SMS: variants seen among roughly 807,000 people sequenced by gnomAD.
The protein encoded by SMS is spermine synthase.
SMS carries 3 observed loss-of-function variants against 33.0 expected under a neutral mutation model. That is an observed-to-expected ratio of 0.09 (90% CI 0.04 to 0.23). The LOEUF (loss-of-function observed/expected upper bound fraction) is 0.23, where lower values mean the gene tolerates loss of function less well. Among genes scored for constraint, SMS ranks in the 10% least tolerant of loss-of-function variants. SMS has a pLI of 1.00. For synonymous variants in SMS, 103 were observed against 112.2 expected (o/e 0.92, Z 0.52); for missense variants, 117 against 288.6 (o/e 0.41, Z 4.31).
At chrX:21,993,063 C>T (rs1246185063) in intron 10 of SMS, among the ~76,000 whole-genome samples, 2 of 111,924 alleles carry the variant, frequency 1.8e-5, no homozygotes, top group East Asian at 2.8e-4. Context: ...CCCACCCCAA[C>T]CTGCTGCCCA....
intron 2 of SMS, among the ~76,000 whole-genome samples, chrX:21,968,077 C>T (rs937497442): frequency 8.9e-5 from 10 of 112,133 alleles, no homozygotes; most frequent in Middle Eastern, 4.2e-3. Context: ...GGGGGCATGC[C>T]GAGGCCTTCT....
chrX:21,980,429 A>AAAAAATAT lies in SMS; in HGVS notation c.750+1464_750+1465insAAAATATA, dbSNP rs1260210326. Among the ~76,000 whole-genome samples the AAAAAATAT allele has an allele frequency of 2.5e-3, 156 of 63,036 alleles. 3 individuals are homozygous for AAAAAATAT. Among genetic ancestry groups the AAAAAATAT allele is most frequent in the South Asian group, 7.4e-3 (5 of 676 alleles). The allele number at this position is 63,036 out of a possible 115,157, so 54.7% of individuals were successfully genotyped here. ...GAGACTGTCTCCAAAAAAAAAAAAA[A>AAAAAATAT]ATATATATATATATATATATATATT... is the stretch of plus-strand genomic sequence containing the variant. On this transcript the variant is annotated intron_variant, in intron 7 of 10. Transcript: ENST00000404933.
intron 3 of SMS, 144 bp from the exon 4 acceptor site, chrX:21,972,363 G>T (rs1235720362): frequency 2.0e-6 from 1 of 500,634 alleles, no homozygotes; most frequent in East Asian, 3.7e-5. Context: ...ATTGGGCCAG[G>T]CGTCTACAGG....
chrX:21,984,752 C>T (rs1925210274), intron 8 of SMS, among the ~76,000 whole-genome samples: 1 of 111,879 alleles, frequency 8.9e-6, no homozygotes, highest in South Asian at 3.7e-4. Context: ...TAGATAATTC[C>T]CTTTCTCAAA....
intron 2 of SMS, among the ~76,000 whole-genome samples, chrX:21,968,565 T>C (rs902890032): frequency 1.8e-5 from 2 of 111,883 alleles, no homozygotes; most frequent in African/African-American, 6.5e-5. Context: ...CGGGGGATGC[T>C]GATGCTGCTG....
Position 21,986,824 on chromosome X carries a change from T to A in SMS, c.945+1601T>A, listed in dbSNP as rs541021577. Among the ~76,000 whole-genome samples, 4 of 111,981 alleles carry A rather than the reference T, an allele frequency of 3.6e-5. No individual in the cohort carries two copies. In the South Asian group the frequency reaches 1.5e-3, roughly 41 times the overall value. ...CCATTTATTACATAGTGTCTGTGGC[T>A]GCTTTTGTACTGAGTAGTTGTGGTA... On this transcript the variant is annotated intron_variant, in intron 9 of 10. Coordinates refer to ENST00000404933, the MANE Select transcript of SMS (RefSeq NM_004595.5).
intron 6 of SMS, 72 bp downstream of exon 6, chrX:21,978,186 C>A: frequency 9.8e-7 from 1 of 1,018,540 alleles, no homozygotes; most frequent in Non-Finnish European, 1.4e-6. Context: ...TCTCACAACT[C>A]AAATTAATGT....
intron 1 of SMS, chrX:21,941,256 G>C (rs1602173257): frequency 7.6e-6 from 1 of 130,873 alleles, no homozygotes; most frequent in Admixed American, 9.3e-5. Flanking sequence ...CCCATGGGAC[G>C]AGGGTTGCAG....
At chrX:21,956,132 T>C (rs1036604130) in intron 1 of SMS, among the ~76,000 whole-genome samples, 7 of 112,916 alleles carry the variant, frequency 6.2e-5, no homozygotes, top group African/African-American at 2.3e-4. Flanking sequence ...GCTGGTACTC[T>C]GTAAACATGC....
chrX:21,987,637 T>C (rs1925439745), intron 9 of SMS, among the ~76,000 whole-genome samples: 1 of 112,905 alleles, frequency 8.9e-6, no homozygotes, highest in African/African-American at 3.2e-5. Context: ...TTTTTTCTTT[T>C]AGGTTTCTGC....
rs150234285 is a variant in SMS, at chrX:21,954,304, G to A, written c.50-12892G>A. On this transcript the variant is annotated intron_variant, in intron 1 of 10. Transcript: ENST00000404933. The stretch of plus-strand genomic sequence containing the variant: ...AGGGTTGTAAAGCACACACACCAAA[G>A]AATATGTGACAGAAACCTGATTTAG... Among the ~76,000 whole-genome samples, 1,070 of 111,984 alleles carry A rather than the reference G, an allele frequency of 9.6e-3. 11 individuals are homozygous for A. The highest frequency in any genetic ancestry group is 0.017 in the Non-Finnish European group (903 of 53,195).
chrX:21,959,765 C>G (rs1045389589), intron 1 of SMS: 1 of 142,034 alleles, frequency 7.0e-6, no homozygotes, highest in African/African-American at 3.2e-5. Flanking sequence ...TGTGCACAAC[C>G]TGAGCCTGGC....
At chrX:21,949,286 G>C (rs958303984) in intron 1 of SMS, among the ~76,000 whole-genome samples, 4 of 112,122 alleles carry the variant, frequency 3.6e-5, no homozygotes, top group African/African-American at 1.3e-4. Flanking sequence ...TCGTTGGGTG[G>C]AATGTCCAAT....
intron 1 of SMS, among the ~76,000 whole-genome samples, chrX:21,964,697 A>T (rs1478332119): frequency 2.7e-5 from 3 of 111,848 alleles, no homozygotes. Context: ...GATGTTGTCC[A>T]TGAGTTTTGG....
chrX:21,948,041 T>G (rs993555736), intron 1 of SMS, among the ~76,000 whole-genome samples: 1 of 111,852 alleles, frequency 8.9e-6, no homozygotes, highest in Non-Finnish European at 1.9e-5. Context: ...AAAAGATTCT[T>G]AATTGCACAG....
chrX:21,971,016 G>A (rs2147511730), intron 2 of SMS, among the ~76,000 whole-genome samples: 1 of 109,590 alleles, frequency 9.1e-6, no homozygotes, highest in East Asian at 2.9e-4. Context: ...GGCCAACATG[G>A]TGAAACCCCG....
At chrX:21,978,655 A>G (rs757149027) in intron 6 of SMS, among the ~76,000 whole-genome samples, 2 of 112,263 alleles carry the variant, frequency 1.8e-5, no homozygotes, top group Non-Finnish European at 3.8e-5. Flanking sequence ...GCAGTTTCCA[A>G]AATGGCTTCT....
At chrX:21,971,026 G>A (rs1453715958) in intron 2 of SMS, among the ~76,000 whole-genome samples, 3 of 109,296 alleles carry the variant, frequency 2.7e-5, no homozygotes, top group Admixed American at 9.7e-5. Context: ...GTGAAACCCC[G>A]TCTCTACTAA....
intron 9 of SMS, among the ~76,000 whole-genome samples, chrX:21,987,802 C>CT (rs1422741125): frequency 5.3e-5 from 6 of 112,508 alleles, no homozygotes. Flanking sequence ...GACAGCCACA[C>CT]TAAGTCCACC....
Sources: allele counts gnomAD v4.1 joint callset (sites outside exome capture counted in the v4.1 genomes callset), GRCh38; gene constraint gnomAD v4.1.1; transcripts MANE v1.5; gene names NCBI Gene and HGNC (gene_info 2026-07-23, HGNC 2026-07-21).